TYMS: variants seen among roughly 807,000 people sequenced by gnomAD.
TYMS encodes thymidylate synthetase.
Under a neutral mutation model 39.3 loss-of-function variants are expected in TYMS, and 21 were observed. The ratio of observed to expected loss-of-function variants is 0.54; its 90% CI spans 0.38 to 0.77. TYMS has a LOEUF of 0.77. Ranked by LOEUF, TYMS falls within the 30% of genes least tolerant of loss-of-function variation. The probability of loss-of-function intolerance (pLI) is 0.00; values close to 1 mark genes in which losing one functional copy is unlikely to be tolerated. For missense variants in TYMS, 273 were observed against 406.7 expected, an observed-to-expected ratio of 0.67 and a Z score of 2.83; for synonymous variants, 171 against 162.2, an observed-to-expected ratio of 1.05 and a Z score of -0.41.
chr18:667,564 GTGATGGAGATGGT>G (rs1399796977), intron 3 of TYMS, among the ~76,000 whole-genome samples: 1 of 92,376 alleles, frequency 1.1e-5, no homozygotes, highest in African/African-American at 7.2e-5. Flanking sequence ...GATGGTGATG[GTGATGGAGATGGT>G]GATGGTGATG....
At chr18:670,593 C>A in intron 4 of TYMS, 99 bp from the exon 5 acceptor site, 1 of 1,325,400 alleles carries the variant, frequency 7.5e-7, no homozygotes, top group East Asian at 2.3e-5. Context: ...TGGTCTCCAC[C>A]ATATGAGTTG....
chr18:671,589 T>TGGTGGGCA (rs1180780898), intron 6 of TYMS, 138 bp downstream of exon 6: 6 of 702,204 alleles, frequency 8.5e-6, no homozygotes, highest in Middle Eastern at 2.3e-4. Context: ...TAGGGAGAAG[T>TGGTGGGCA]GGTGGGCAGG....
At chr18:670,595 T>G in intron 4 of TYMS, 97 bp from the exon 5 acceptor site, 25 of 1,349,426 alleles carry the variant, frequency 1.9e-5, no homozygotes, top group East Asian at 6.9e-5. Context: ...GTCTCCACCA[T>G]ATGAGTTGGC....
At chr18:663,870 A>G (rs2074781034) in intron 3 of TYMS, among the ~76,000 whole-genome samples, 1 of 110,160 alleles carries the variant, frequency 9.1e-6, no homozygotes, top group Non-Finnish European at 1.8e-5. Flanking sequence ...TGTTCCATTG[A>G]TCTATATGTC....
chr18:667,201 GGT>G, intron 3 of TYMS, among the ~76,000 whole-genome samples: 1 of 86,714 alleles, frequency 1.2e-5, no homozygotes, highest in Non-Finnish European at 2.0e-5. Context: ...AGATGGTGAT[GGT>G]GATGGTGATG....
At position 657,952 on chromosome 18, in the gene TYMS, C is replaced by G. The variant is rs1265577171; in HGVS notation, c.205+5C>G. ...AGGCGCGCTACAGCCTGAGAGGTGACGCCGCGGGCCCCTGCGGGACGGGTG... is the reference window on the plus strand; with the variant it reads ...AGGCGCGCTACAGCCTGAGAGGTGAGGCCGCGGGCCCCTGCGGGACGGGTG... On this transcript the variant is annotated splice_donor_5th_base_variant and intron_variant, in intron 1 of 6. Transcript: ENST00000323274. 3.3e-6 allele frequency: 5 copies of G among 1,504,572 alleles called. No homozygotes were observed. Among genetic ancestry groups the G allele is most frequent in the Non-Finnish European group, 4.4e-6 (5 of 1,131,054 alleles). The allele number at this position is 1,504,572 out of a possible 1,614,324, so 93.2% of individuals were successfully genotyped here.
chr18:659,958 T>C (rs2847613), intron 2 of TYMS, among the ~76,000 whole-genome samples: 53,787 of 151,940 alleles, frequency 0.35, 10,085 homozygotes, highest in East Asian at 0.7. Context: ...TCTGTAATCC[T>C]AGCTACTCAG....
chr18:668,991 G>GTT, intron 3 of TYMS, 81 bp from the exon 4 acceptor site: 1 of 1,190,340 alleles, frequency 8.4e-7, no homozygotes, highest in Non-Finnish European at 1.2e-6. Context: ...GTAAGAGACT[G>GTT]TAATAGATGA....
chr18:662,129 C>T lies in TYMS; in HGVS notation c.280-17C>T. On this transcript the variant is annotated splice_polypyrimidine_tract_variant and intron_variant, in intron 2 of 6. Transcript: ENST00000323274. ...GATTTACCTGGATGCCTGCTCTGCTCTCCCCATCTCTTCCAGGGATCCACA... is the reference window on the plus strand; with the variant it reads ...GATTTACCTGGATGCCTGCTCTGCTTTCCCCATCTCTTCCAGGGATCCACA... 6.3e-7 allele frequency: 1 copy of T among 1,596,254 alleles called. No individual in the cohort carries two copies.
chr18:671,241 C>T (rs1450894743), intron 5 of TYMS, 139 bp from the exon 6 acceptor site: 2 of 685,298 alleles, frequency 2.9e-6, no homozygotes, highest in Non-Finnish European at 5.1e-6. Flanking sequence ...GATGCTGTTG[C>T]TACAAAAAAA....
At chr18:669,308 TG>T in intron 4 of TYMS, 135 bp downstream of exon 4, 1 of 629,200 alleles carries the variant, frequency 1.6e-6, no homozygotes, top group East Asian at 2.8e-5. Flanking sequence ...TGTGTGACGT[TG>T]GGCAAGTCAC....
chr18:658,304 G>C lies in TYMS; in HGVS notation c.205+357G>C. The C allele has an allele frequency of 7.2e-7, 1 of 1,390,064 alleles. No individual in the cohort carries two copies. The highest frequency in any genetic ancestry group is 1.2e-5 in the South Asian group (1 of 81,796). 86.1% of individuals were successfully genotyped at this position (1,390,064 alleles called of 1,614,324 possible). On this transcript the variant is annotated intron_variant, in intron 1 of 6. Coordinates refer to ENST00000323274, the MANE Select transcript of TYMS (RefSeq NM_001071.4). The surrounding 1 kb of genome is among the most constrained non-coding windows in gnomAD (Gnocchi z 4.5). ...GGGAGAGCTGCCTGGGCTTGACCGC[G>C]CGCCGGTCTCAAAGTCCTGGCTTTG...
rs768256881 is a variant in TYMS, at chr18:658,229, C to A, written c.205+282C>A. Reference sequence around the variant, plus strand: ...CGCAGTCGCCCCAGTGATGCCGTGGCCCCCGAGGCGGGCGTCATCGGGCAG... The same window carrying A: ...CGCAGTCGCCCCAGTGATGCCGTGGACCCCGAGGCGGGCGTCATCGGGCAG... On this transcript the variant is annotated intron_variant, in intron 1 of 6. Transcript: ENST00000323274. This position sits in a 1 kb window ranked among gnomAD's most constrained non-coding sequence, Gnocchi z 4.5. The A allele has an allele frequency of 2.0e-6, 3 of 1,505,400 alleles. No individual in the cohort carries two copies. The highest frequency in any genetic ancestry group is 1.8e-6 in the Non-Finnish European group (2 of 1,117,406). 93.3% of individuals were successfully genotyped at this position (1,505,400 alleles called of 1,614,324 possible).
intron 2 of TYMS, 115 bp downstream of exon 2, chr18:659,829 A>T (rs2853539): frequency 1.1e-6 from 1 of 888,788 alleles, no homozygotes; most frequent in Non-Finnish European, 1.8e-6. Flanking sequence ...TAATCCCACC[A>T]CTTTGGGAGG....
intron 4 of TYMS, among the ~76,000 whole-genome samples, chr18:669,941 AAC>A (rs1567993078): frequency 6.6e-6 from 1 of 151,786 alleles, no homozygotes; most frequent in African/African-American, 2.4e-5. Flanking sequence ...CAGCCTGGGC[AAC>A]AGAGTGAGAC....
intron 2 of TYMS, among the ~76,000 whole-genome samples, chr18:661,549 A>G (rs1481991574): frequency 6.6e-6 from 1 of 152,260 alleles, no homozygotes. Flanking sequence ...GATCGGTGGA[A>G]TACTTAAAAG....
At chr18:662,849 A>G (rs1190543414) in intron 3 of TYMS, among the ~76,000 whole-genome samples, 2 of 149,120 alleles carry the variant, frequency 1.3e-5, no homozygotes, top group African/African-American at 5.0e-5. Flanking sequence ...TGAACTCATC[A>G]TTTTTTATGG....
chr18:660,623 A>G lies in TYMS; in HGVS notation c.279+909A>G, dbSNP rs1475041222. On this transcript the variant is annotated intron_variant, in intron 2 of 6. Transcript: ENST00000323274. This position sits in a 1 kb window ranked among gnomAD's most constrained non-coding sequence, Gnocchi z 4.6. ...CCCATGTTCATATAAATTCTAGAAG[A>G]GTCTCTTCAGTAACAAGGTGAACCC... Among the ~76,000 whole-genome samples the G allele has an allele frequency of 2.0e-5, 3 of 152,192 alleles. No homozygotes were observed. The highest frequency in any genetic ancestry group is 4.4e-5 in the Non-Finnish European group (3 of 68,034).
chr18:659,088 A>T (rs2074728178), intron 1 of TYMS, among the ~76,000 whole-genome samples: 1 of 152,212 alleles, frequency 6.6e-6, no homozygotes, highest in South Asian at 2.1e-4. Flanking sequence ...GCTTCCCTAT[A>T]TGTTAAAAAT....
Sources: allele counts gnomAD v4.1 joint callset (sites outside exome capture counted in the v4.1 genomes callset), GRCh38; gene constraint gnomAD v4.1.1; non-coding constraint Gnocchi (gnomAD v3.1); transcripts MANE v1.5; gene names NCBI Gene and HGNC (gene_info 2026-07-23, HGNC 2026-07-21).